LRRC7: variants seen among roughly 807,000 people sequenced by gnomAD.
The protein encoded by LRRC7 is leucine rich repeat containing 7, also known as leucine-rich repeat-containing protein 7.
LRRC7 carries 23 observed loss-of-function variants against 175.7 expected under a neutral mutation model. That is an observed-to-expected ratio of 0.13 (90% CI 0.09 to 0.19). The LOEUF is 0.19. LRRC7 is among the 10% of genes least tolerant of loss of function. The probability of loss-of-function intolerance (pLI) is 1.00; values close to 1 mark genes in which losing one functional copy is unlikely to be tolerated. For missense variants in LRRC7, 1,354 were observed against 1,904.7 expected, an observed-to-expected ratio of 0.71 and a Z score of 5.38; for synonymous variants, 685 against 680.9, an observed-to-expected ratio of 1.01 and a Z score of -0.09.
At chr1:70,078,740 C>A (rs1662965402) in intron 24 of LRRC7, among the ~76,000 whole-genome samples, 1 of 151,646 alleles carries the variant, frequency 6.6e-6, no homozygotes. Context: ...TGCTACCCAC[C>A]AACAACATTC....
At chr1:69,617,358 T>C (rs192468564) in intron 1 of LRRC7, among the ~76,000 whole-genome samples, 1 of 152,058 alleles carries the variant, frequency 6.6e-6, no homozygotes, top group East Asian at 1.9e-4. Context: ...CTGATTTGCT[T>C]ACCATTGTAT....
At chr1:69,727,245 G>A (rs1208991761) in intron 2 of LRRC7, among the ~76,000 whole-genome samples, 1 of 152,186 alleles carries the variant, frequency 6.6e-6, no homozygotes, top group Admixed American at 6.6e-5. Context: ...GCAGCTGGGA[G>A]AATGAATGAT....
chr1:69,653,026 A>G (rs1469866865), intron 1 of LRRC7, among the ~76,000 whole-genome samples: 1 of 151,984 alleles, frequency 6.6e-6, no homozygotes, highest in Non-Finnish European at 1.5e-5. Context: ...CTTCTTGCCA[A>G]TTGGTCTTGG....
chr1:69,883,007 T>G (rs371061066), intron 7 of LRRC7, among the ~76,000 whole-genome samples: 1 of 152,044 alleles, frequency 6.6e-6, no homozygotes, highest in East Asian at 1.9e-4. Context: ...TTAATCCAGT[T>G]TATCATTGTT....
At chr1:69,994,285 G>A (rs1043719686) in intron 10 of LRRC7, among the ~76,000 whole-genome samples, 1 of 152,148 alleles carries the variant, frequency 6.6e-6, no homozygotes, top group Non-Finnish European at 1.5e-5. Flanking sequence ...AAATGTAGTA[G>A]TATTAGTGTC....
At chr1:69,921,959 C>A (rs1343916679) in intron 7 of LRRC7, among the ~76,000 whole-genome samples, 2 of 152,146 alleles carry the variant, frequency 1.3e-5, no homozygotes, top group African/African-American at 4.8e-5. Context: ...AATTCTCACT[C>A]TTGTCCCCCA....
chr1:70,135,645 C>G lies in LRRC7; in HGVS notation c.*13758C>G, dbSNP rs1363628769. Among the ~76,000 whole-genome samples, 3 of 152,308 alleles carry G rather than the reference C, an allele frequency of 2.0e-5. No homozygotes were observed. In the East Asian group the frequency reaches 5.8e-4, roughly 29 times the overall value. ...AATATCCATCATATTCAAGACTTCA[C>G]TTTTATTGATGATCATTAAGCTAGA... On this transcript the variant is annotated 3_prime_UTR_variant, in exon 27 of 27. Transcript: ENST00000651989.
intron 7 of LRRC7, among the ~76,000 whole-genome samples, chr1:69,878,909 AT>A (rs1237483946): frequency 6.7e-6 from 1 of 148,366 alleles, no homozygotes; most frequent in Non-Finnish European, 1.5e-5. Flanking sequence ...ATATATACAT[AT>A]ATTTATATAT....
intron 2 of LRRC7, among the ~76,000 whole-genome samples, chr1:69,700,900 A>T (rs188762555): frequency 6.6e-6 from 1 of 152,178 alleles, no homozygotes; most frequent in Non-Finnish European, 1.5e-5. Context: ...CATTCCAGAA[A>T]GAAGAAATCC....
intron 7 of LRRC7, among the ~76,000 whole-genome samples, chr1:69,907,711 T>C (rs907159087): frequency 1.3e-5 from 2 of 152,200 alleles, no homozygotes; most frequent in Non-Finnish European, 2.9e-5. Flanking sequence ...AGGACACTGG[T>C]CTAAAATTCT....
chr1:69,688,745 C>G (rs1173392932), intron 2 of LRRC7, among the ~76,000 whole-genome samples: 1 of 151,592 alleles, frequency 6.6e-6, no homozygotes, highest in Non-Finnish European at 1.5e-5. Flanking sequence ...TACTGTACAC[C>G]AGGAGAATGC....
intron 1 of LRRC7, among the ~76,000 whole-genome samples, chr1:69,659,659 A>G (rs1657157606): frequency 6.6e-6 from 1 of 152,034 alleles, no homozygotes. Flanking sequence ...GGGACAAAAT[A>G]TGGACATTTT....
intron 2 of LRRC7, among the ~76,000 whole-genome samples, chr1:69,701,179 A>C (rs1266905464): frequency 6.6e-6 from 1 of 152,184 alleles, no homozygotes; most frequent in Non-Finnish European, 1.5e-5. Flanking sequence ...GTCAAATCAG[A>C]TGTTACATAT....
At chr1:69,587,186 C>A (rs999744854) in intron 1 of LRRC7, among the ~76,000 whole-genome samples, 1 of 152,146 alleles carries the variant, frequency 6.6e-6, no homozygotes, top group South Asian at 2.1e-4. Context: ...ATATTACTTA[C>A]TCGTCCAAAC....
At chr1:69,819,577 C>CTCTCTG (rs1553160548) in intron 4 of LRRC7, among the ~76,000 whole-genome samples, 8 of 114,908 alleles carry the variant, frequency 7.0e-5, no homozygotes, top group East Asian at 5.4e-4. Flanking sequence ...CTCTCTCTCT[C>CTCTCTG]TGTGTGTGTG....
intron 2 of LRRC7, among the ~76,000 whole-genome samples, chr1:69,696,081 G>A (rs1243256562): frequency 6.6e-6 from 1 of 152,210 alleles, no homozygotes; most frequent in Non-Finnish European, 1.5e-5. Context: ...GCAACTGGCA[G>A]CTTGTATCAT....
In LRRC7 at chr1:70,141,505, CTGTT is replaced by C. The variant is rs992829398; in HGVS notation, c.*19622_*19625del. On this transcript the variant is annotated 3_prime_UTR_variant, in exon 27 of 27. Coordinates refer to ENST00000651989, the MANE Select transcript of LRRC7 (RefSeq NM_001370785.2). Reference sequence around the variant, plus strand: ...CTCAATATCTAGAAACAAGCAGGAACTGTTTGTCAGAAATTAAACAGGACTTATT... The same window carrying C: ...CTCAATATCTAGAAACAAGCAGGAACTGTCAGAAATTAAACAGGACTTATT... 7 of 151,962 alleles carry C rather than the reference CTGTT, an allele frequency of 4.6e-5. No individual in the cohort carries two copies. Among genetic ancestry groups the C allele is most frequent in the Admixed American group, 2.0e-4 (3 of 15,254 alleles). The allele number at this position is 151,962 out of a possible 1,614,324, so 9.4% of individuals were successfully genotyped here.
At chr1:69,695,902 G>A (rs1662520773) in intron 2 of LRRC7, among the ~76,000 whole-genome samples, 1 of 152,222 alleles carries the variant, frequency 6.6e-6, no homozygotes, top group Admixed American at 6.5e-5. Flanking sequence ...AGGATGTGTG[G>A]GAAATCCTGG....
At chr1:69,970,117 C>T (rs954526678) in intron 8 of LRRC7, among the ~76,000 whole-genome samples, 1 of 152,036 alleles carries the variant, frequency 6.6e-6, no homozygotes, top group Non-Finnish European at 1.5e-5. Context: ...AAACCTCTGG[C>T]ATACAGCAAA....
Sources: gnomAD v4.1 joint callset for allele counts (sites outside exome capture counted in the v4.1 genomes callset) on GRCh38, gnomAD v4.1.1 for gene constraint, MANE v1.5 for transcripts, NCBI Gene and HGNC (gene_info 2026-07-23, HGNC 2026-07-21) for gene names.